Variants in HS2ST1 observed in about 807,000 individuals in gnomAD.
HS2ST1 encodes 2-O-sulfotransferase.
In HS2ST1, 18 loss-of-function variants were observed where a neutral mutation model predicts 42.9. The ratio of observed to expected loss-of-function variants is 0.42; its 90% CI spans 0.29 to 0.62. The LOEUF is 0.62. Ranked by LOEUF, HS2ST1 falls within the 20% of genes least tolerant of loss-of-function variation. The pLI, the probability that HS2ST1 is intolerant of heterozygous loss-of-function variation, is 0.21. For missense variants in HS2ST1, 334 were observed against 433.8 expected (o/e 0.77, Z 2.04); for synonymous variants, 146 against 152.9 (o/e 0.95, Z 0.33).
At chr1:86,921,029 A>T (rs1031358307) in intron 1 of HS2ST1, among the ~76,000 whole-genome samples, 1 of 152,194 alleles carries the variant, frequency 6.6e-6, no homozygotes, top group Non-Finnish European at 1.5e-5. Flanking sequence ...GCCATCCATG[A>T]TATATACATG....
chr1:87,066,001 A>G (rs923081349), intron 1 of HS2ST1, among the ~76,000 whole-genome samples: 4 of 152,210 alleles, frequency 2.6e-5, no homozygotes, highest in African/African-American at 4.8e-5. Flanking sequence ...AATGTTACCC[A>G]TAATATAGAA....
At chr1:87,040,218 C>G (rs907358148) in intron 1 of HS2ST1, among the ~76,000 whole-genome samples, 1 of 152,050 alleles carries the variant, frequency 6.6e-6, no homozygotes, top group African/African-American at 2.4e-5. Context: ...ATAATACCTC[C>G]TTATTCTGAT....
chr1:87,023,270 T>G (rs887197399), intron 1 of HS2ST1, among the ~76,000 whole-genome samples: 1 of 152,172 alleles, frequency 6.6e-6, no homozygotes, highest in Non-Finnish European at 1.5e-5. Flanking sequence ...TAACGACTTA[T>G]GCAAAATGAT....
Position 86,993,114 on chromosome 1 carries a change from A to G in HS2ST1, c.124+77954A>G, listed in dbSNP as rs759128396. On this transcript the variant is annotated intron_variant, in intron 1 of 6. Coordinates refer to ENST00000370550, the MANE Select transcript of HS2ST1 (RefSeq NM_012262.4). ...TTATCAAATTCATTCATCTCGAAGT[A>G]TTCAGTATGCCAGGTACTGTATTTT... The G allele has an allele frequency of 5.6e-6, 9 of 1,602,154 alleles. No individual in the cohort carries two copies. In the East Asian group the frequency reaches 2.0e-4, roughly 36 times the overall value.
chr1:87,067,900 G>A (rs1487122813), intron 1 of HS2ST1, among the ~76,000 whole-genome samples: 1 of 152,168 alleles, frequency 6.6e-6, no homozygotes, highest in Non-Finnish European at 1.5e-5. Context: ...TTATTTCTGA[G>A]GCCTCTGTTC....
intron 1 of HS2ST1, among the ~76,000 whole-genome samples, chr1:86,925,281 C>T (rs1485480266): frequency 1.3e-5 from 2 of 152,338 alleles, no homozygotes; most frequent in African/African-American, 2.4e-5. Flanking sequence ...AGTTCCCAAA[C>T]TTTCCCACAT....
chr1:87,038,400 T>C (rs777725956), intron 1 of HS2ST1, among the ~76,000 whole-genome samples: 3 of 152,158 alleles, frequency 2.0e-5, no homozygotes, highest in Non-Finnish European at 2.9e-5. Flanking sequence ...ATTAAACTGT[T>C]GTATATTATT....
chr1:87,027,095 G>A (rs1650106815), intron 1 of HS2ST1, among the ~76,000 whole-genome samples: 1 of 152,170 alleles, frequency 6.6e-6, no homozygotes, highest in South Asian at 2.1e-4. Flanking sequence ...GAGTAGTACA[G>A]ATTTTTGGTT....
intron 1 of HS2ST1, among the ~76,000 whole-genome samples, chr1:86,924,656 A>G (rs1270288435): frequency 6.6e-6 from 1 of 152,206 alleles, no homozygotes; most frequent in African/African-American, 2.4e-5. Flanking sequence ...CTCTGAAGGC[A>G]TGGCCCGAGC....
At chr1:87,012,109 C>A (rs190797452) in intron 1 of HS2ST1, among the ~76,000 whole-genome samples, 1 of 152,110 alleles carries the variant, frequency 6.6e-6, no homozygotes, top group African/African-American at 2.4e-5. Context: ...TTAAGGTGTT[C>A]TACTTTTTTT....
At chr1:87,080,163 T>C (rs1215201147) in intron 2 of HS2ST1, among the ~76,000 whole-genome samples, 2 of 152,192 alleles carry the variant, frequency 1.3e-5, no homozygotes, top group Admixed American at 1.3e-4. Context: ...CATAGATATT[T>C]AGATGTAGTC....
At chr1:86,997,038 T>G (rs1649122191) in intron 1 of HS2ST1, among the ~76,000 whole-genome samples, 3 of 152,178 alleles carry the variant, frequency 2.0e-5, no homozygotes, top group Admixed American at 2.0e-4. Context: ...GGTCTGTGAT[T>G]CTTGAGAAAA....
At position 87,079,384 on chromosome 1, in the gene HS2ST1, C is replaced by T. The variant is rs117646560; in HGVS notation, c.364-4810C>T. Among the ~76,000 whole-genome samples the T allele has an allele frequency of 1.6e-4, 25 of 152,256 alleles. No homozygotes were observed. In the East Asian group the frequency reaches 4.6e-3, roughly 28 times the overall value. ...AACCCCTGAGCTCAGGAAGTCCACC[C>T]GCCTCGGCTTTCCAAAGTGCTAGGA... is the stretch of plus-strand genomic sequence containing the variant. On this transcript the variant is annotated intron_variant, in intron 2 of 6. Transcript: ENST00000370550.
Position 87,108,066 on chromosome 1 carries a change from A to G in HS2ST1, c.*3370A>G, listed in dbSNP as rs1012873952. 1 of 152,152 alleles carries G rather than the reference A, an allele frequency of 6.6e-6. No individual in the cohort carries two copies. Among genetic ancestry groups the G allele is most frequent in the South Asian group, 2.1e-4 (1 of 4,818 alleles). 9.4% of individuals were successfully genotyped at this position (152,152 alleles called of 1,614,324 possible). On this transcript the variant is annotated 3_prime_UTR_variant, in exon 7 of 7. Coordinates refer to ENST00000370550, the MANE Select transcript of HS2ST1 (RefSeq NM_012262.4). ...TATGTGTCCTATTGGAAATTCCTCA[A>G]ATCGTTGGTGCCATCAGTGATTTAC...
intron 1 of HS2ST1, among the ~76,000 whole-genome samples, chr1:86,936,267 G>C (rs1234687203): frequency 6.6e-6 from 1 of 151,836 alleles, no homozygotes. Context: ...ACTGATCATT[G>C]AATTTTTAGG....
intron 2 of HS2ST1, among the ~76,000 whole-genome samples, chr1:87,082,132 T>A (rs1651708757): frequency 1.3e-5 from 2 of 152,138 alleles, no homozygotes; most frequent in African/African-American, 4.8e-5. Flanking sequence ...TATATGCCAA[T>A]AAATTGGAAA....
At chr1:86,987,714 C>G (rs544775745) in intron 1 of HS2ST1, among the ~76,000 whole-genome samples, 1 of 152,206 alleles carries the variant, frequency 6.6e-6, no homozygotes, top group African/African-American at 2.4e-5. Flanking sequence ...TAGTCTGTCT[C>G]TATTCACTTT....
At chr1:86,940,568 C>A (rs1183262234) in intron 1 of HS2ST1, among the ~76,000 whole-genome samples, 1 of 152,152 alleles carries the variant, frequency 6.6e-6, no homozygotes. Flanking sequence ...TAAACTGATA[C>A]TTGTTCTACT....
chr1:86,993,157 A>G, intron 1 of HS2ST1: 2 of 1,588,430 alleles, frequency 1.3e-6, no homozygotes, highest in Non-Finnish European at 1.7e-6. Context: ...CATGTCCTAA[A>G]CCCTCATCAA....
Sources: allele counts gnomAD v4.1 joint callset (sites outside exome capture counted in the v4.1 genomes callset), GRCh38; gene constraint gnomAD v4.1.1; transcripts MANE v1.5; gene names NCBI Gene and HGNC (gene_info 2026-07-23, HGNC 2026-07-21).